PKIB: variants seen among roughly 807,000 people sequenced by gnomAD.
PKIB encodes the protein PKI-beta.
In PKIB, 2 loss-of-function variants were observed where a neutral mutation model predicts 4.5. The ratio of observed to expected loss-of-function variants is 0.44; its 90% CI spans 0.18 to 1.39. PKIB has a LOEUF of 1.39. Among genes scored for constraint, PKIB ranks in the 40% most tolerant of loss-of-function variants. The pLI, the probability that PKIB is intolerant of heterozygous loss-of-function variation, is 0.27. For missense variants in PKIB, 94 were observed against 92.6 expected (o/e 1.02, Z -0.06); for synonymous variants, 38 against 36.0 (o/e 1.06, Z -0.20).
intron 1 of PKIB, among the ~76,000 whole-genome samples, chr6:122,621,509 C>A (rs1449819370): frequency 1.3e-5 from 2 of 152,130 alleles, no homozygotes; most frequent in South Asian, 4.1e-4. Context: ...TATAAGTAAT[C>A]TAATATCAGG....
At chr6:122,478,383 A>G (rs991541683) in intron 2 of PKIB, 1 of 152,172 alleles carries the variant, frequency 6.6e-6, no homozygotes, top group Non-Finnish European at 1.5e-5. Context: ...AATTCTCTCT[A>G]CCTATTTTCT....
chr6:122,614,041 A>T (rs190401361), intron 1 of PKIB, among the ~76,000 whole-genome samples: 12 of 151,896 alleles, frequency 7.9e-5, no homozygotes, highest in Non-Finnish European at 1.2e-4. Context: ...ACTGAGGTAC[A>T]CTTTTTATTC....
chr6:122,559,105 A>G (rs1325764020), intron 2 of PKIB, among the ~76,000 whole-genome samples: 1 of 152,122 alleles, frequency 6.6e-6, no homozygotes, highest in Non-Finnish European at 1.5e-5. Flanking sequence ...GCTGCATAGT[A>G]TTCCATCATA....
intron 3 of PKIB, among the ~76,000 whole-genome samples, chr6:122,595,913 C>T (rs1774163283): frequency 6.6e-6 from 1 of 152,198 alleles, no homozygotes; most frequent in Admixed American, 6.5e-5. Flanking sequence ...TGAGGTCACC[C>T]GTTGGTGAGT....
intron 2 of PKIB, among the ~76,000 whole-genome samples, chr6:122,539,746 A>C (rs1777530611): frequency 6.6e-6 from 1 of 152,058 alleles, no homozygotes; most frequent in Non-Finnish European, 1.5e-5. Flanking sequence ...GAATAGTTTC[A>C]GAAGGAATGG....
chr6:122,603,888 T>G (rs1774449579), intron 3 of PKIB, among the ~76,000 whole-genome samples: 1 of 152,246 alleles, frequency 6.6e-6, no homozygotes, highest in Non-Finnish European at 1.5e-5. Context: ...TGTGATTTCT[T>G]TAATTATTTT....
intron 1 of PKIB, among the ~76,000 whole-genome samples, chr6:122,625,981 A>G (rs1012014292): frequency 2.6e-5 from 4 of 152,176 alleles, no homozygotes; most frequent in Non-Finnish European, 5.9e-5. Context: ...AGATGGGAGG[A>G]TCACTTGAGC....
At chr6:122,664,552 C>G (rs1429865369) in intron 2 of PKIB, among the ~76,000 whole-genome samples, 1 of 152,102 alleles carries the variant, frequency 6.6e-6, no homozygotes, top group Non-Finnish European at 1.5e-5. Flanking sequence ...GCTGGGACTA[C>G]AGGTGTGTGC....
chr6:122,475,970 T>C (rs554953498), intron 1 of PKIB, among the ~76,000 whole-genome samples: 1 of 152,202 alleles, frequency 6.6e-6, no homozygotes, highest in Non-Finnish European at 1.5e-5. Context: ...TAAACTTTAT[T>C]TTTTATCCTA....
chr6:122,690,102 T>C (rs932152106), intron 3 of PKIB, among the ~76,000 whole-genome samples: 1 of 152,136 alleles, frequency 6.6e-6, no homozygotes, highest in Non-Finnish European at 1.5e-5. Flanking sequence ...TAGCATGGAA[T>C]ATCTTTCTCC....
chr6:122,622,861 A>T (rs1276892120), intron 1 of PKIB, among the ~76,000 whole-genome samples: 1 of 150,698 alleles, frequency 6.6e-6, no homozygotes. Flanking sequence ...TTATTGATGT[A>T]GATTTAATTA....
At chr6:122,712,664 G>T (rs918313788) in intron 3 of PKIB, among the ~76,000 whole-genome samples, 9 of 152,034 alleles carry the variant, frequency 5.9e-5, no homozygotes, top group African/African-American at 2.2e-4. Context: ...ATACCTCCAG[G>T]GAACTAATTT....
intron 2 of PKIB, among the ~76,000 whole-genome samples, chr6:122,508,395 G>A (rs1348720958): frequency 2.0e-5 from 3 of 152,282 alleles, no homozygotes; most frequent in Admixed American, 6.5e-5. Context: ...CTGGCACTGA[G>A]GACAATGTTG....
intron 3 of PKIB, among the ~76,000 whole-genome samples, chr6:122,704,922 A>G (rs7451786): frequency 0.99 from 150,464 of 152,242 alleles, 74,376 homozygotes; most frequent in East Asian, 1. Context: ...GGCAAGTGTG[A>G]TGCTGCCCAC....
At chr6:122,667,686 A>T (rs959679898) in intron 2 of PKIB, among the ~76,000 whole-genome samples, 3 of 152,256 alleles carry the variant, frequency 2.0e-5, no homozygotes, top group African/African-American at 7.2e-5. Context: ...GAAAAAAATT[A>T]AAAGTTACTT....
chr6:122,594,778 G>T lies in PKIB; in HGVS notation c.-161+8771G>T, dbSNP rs190794890. On this transcript the variant is annotated intron_variant, in intron 3 of 6. Transcript: ENST00000392491. Reference sequence around the variant, plus strand: ...GTCCTGCCTGGATTGGGCTGTTGTAGTTTCCCATTGACCTTAATAGCAGGG... The same window carrying T: ...GTCCTGCCTGGATTGGGCTGTTGTATTTTCCCATTGACCTTAATAGCAGGG... Among the ~76,000 whole-genome samples the T allele has an allele frequency of 9.9e-5, 15 of 152,224 alleles. No homozygotes were observed. The East Asian group carries it at 2.9e-3, about 29-fold the overall frequency.
chr6:122,618,593 G>T (rs140163183), intron 1 of PKIB, among the ~76,000 whole-genome samples: 2,165 of 151,976 alleles, frequency 0.014, 48 homozygotes, highest in African/African-American at 0.05. Flanking sequence ...ATTATTCTTT[G>T]CATACACATA....
At chr6:122,722,824 T>C (rs1295774070) in intron 4 of PKIB, among the ~76,000 whole-genome samples, 1 of 152,180 alleles carries the variant, frequency 6.6e-6, no homozygotes, top group Non-Finnish European at 1.5e-5. Context: ...CAGAGTTATC[T>C]GCTTCTGTGG....
At position 122,480,556 on chromosome 6, in the gene PKIB, A is replaced by C. The variant is rs1775584770; in HGVS notation, c.-248+2617A>C. ...TATTCAAGTTATTTACTTAATCCAA[A>C]GGGAATAAATTTTTTGAAAATGTAG... On this transcript the variant is annotated intron_variant, in intron 2 of 6. Transcript: ENST00000392491. 3 of 152,218 alleles carry C rather than the reference A, an allele frequency of 2.0e-5. No homozygotes were observed. The South Asian group carries it at 6.2e-4, about 32-fold the overall frequency. 9.4% of individuals were successfully genotyped at this position (152,218 alleles called of 1,614,324 possible). A position where few individuals can be genotyped will look rare whatever the true frequency, so the allele number is the denominator to read the frequency against.
Sources: allele counts gnomAD v4.1 joint callset (sites outside exome capture counted in the v4.1 genomes callset), GRCh38; gene constraint gnomAD v4.1.1; transcripts MANE v1.5; gene names NCBI Gene and HGNC (gene_info 2026-07-23, HGNC 2026-07-21).